The following SLCO1B1 variants were observed in gnomAD, a reference collection of about 807,000 sequenced individuals.
SLCO1B1 encodes solute carrier organic anion transporter family member 1B1, also known as OATP-2.
In SLCO1B1, 81 loss-of-function variants were observed where a neutral mutation model predicts 70.1. The ratio of observed to expected loss-of-function variants is 1.16; its 90% CI spans 0.97 to 1.39. SLCO1B1 has a LOEUF of 1.39. Among genes scored for constraint, SLCO1B1 ranks in the 40% most tolerant of loss-of-function variants. The pLI is 0.00. For synonymous variants in SLCO1B1, 283 were observed against 271.5 expected (o/e 1.04, Z -0.42); for missense variants, 895 against 799.6 (o/e 1.12, Z -1.44).
intron 2 of SLCO1B1, among the ~76,000 whole-genome samples, chr12:21,158,609 G>A (rs926141209): frequency 2.6e-5 from 4 of 151,958 alleles, no homozygotes; most frequent in South Asian, 4.2e-4. Context: ...TGAGAGAATC[G>A]CTTGAACCCA....
intron 8 of SLCO1B1, among the ~76,000 whole-genome samples, chr12:21,199,154 G>A (rs907559575): frequency 1.1e-4 from 16 of 151,352 alleles, no homozygotes; most frequent in Admixed American, 3.3e-4. Flanking sequence ...CAACTGTTTC[G>A]TAGCTGACAT....
At chr12:21,174,473 G>T (rs923624617) in intron 3 of SLCO1B1, 104 bp from the exon 4 acceptor site, 4 of 1,045,520 alleles carry the variant, frequency 3.8e-6, no homozygotes, top group Non-Finnish European at 5.8e-6. Flanking sequence ...GTCTTTGAGG[G>T]AAGGCACTAT....
chr12:21,150,424 A>G (rs1330451255), intron 2 of SLCO1B1, among the ~76,000 whole-genome samples: 4 of 152,136 alleles, frequency 2.6e-5, no homozygotes, highest in Non-Finnish European at 1.5e-5. Context: ...AGGGTTCAAC[A>G]GACACCTCAT....
At chr12:21,176,159 G>T (rs1027270039) in intron 4 of SLCO1B1, among the ~76,000 whole-genome samples, 7 of 152,072 alleles carry the variant, frequency 4.6e-5, no homozygotes, top group Admixed American at 1.3e-4. Context: ...ATACTAGTGT[G>T]AAATTCCCTA....
intron 7 of SLCO1B1, among the ~76,000 whole-genome samples, chr12:21,193,206 C>A (rs11045842): frequency 0.12 from 18,681 of 151,998 alleles, 1,554 homozygotes; most frequent in Non-Finnish European, 0.18. Context: ...GTGTCTGTTA[C>A]GTTCAATTGG....
intron 1 of SLCO1B1, among the ~76,000 whole-genome samples, chr12:21,138,356 A>G (rs764702795): frequency 1.4e-4 from 22 of 152,294 alleles, no homozygotes; most frequent in Middle Eastern, 3.4e-3. Context: ...CCAAATGCCT[A>G]TGGTTCTATC....
intron 14 of SLCO1B1, among the ~76,000 whole-genome samples, chr12:21,238,447 G>A (rs968709178): frequency 4.6e-5 from 7 of 151,740 alleles, no homozygotes; most frequent in African/African-American, 1.5e-4. Flanking sequence ...CTGGTTTAAA[G>A]CTTACTTATT....
chr12:21,168,167 C>T (rs895300198), intron 2 of SLCO1B1, among the ~76,000 whole-genome samples: 6 of 151,906 alleles, frequency 3.9e-5, no homozygotes, highest in Admixed American at 2.6e-4. Context: ...TCTCTCCTTT[C>T]GTGACTGGCT....
chr12:21,135,033 G>C (rs1264539724), intron 1 of SLCO1B1, among the ~76,000 whole-genome samples: 2 of 152,094 alleles, frequency 1.3e-5, no homozygotes, highest in African/African-American at 4.8e-5. Flanking sequence ...CGTATGTTGT[G>C]TGTTTGTTCT....
rs971435697 is a variant in SLCO1B1, at chr12:21,224,920, A to G, written c.1865+81A>G. On this transcript the variant is annotated intron_variant, in intron 14 of 14. Coordinates refer to ENST00000256958, the MANE Select transcript of SLCO1B1 (RefSeq NM_006446.5). ...AAAATATCATTTTCATTATATAATA[A>G]TATTAATAATGATAGCCACCATTTA... 5 of 720,632 alleles carry G rather than the reference A, an allele frequency of 6.9e-6. No homozygotes were observed. The African/African-American group carries it at 9.0e-5, about 13-fold the overall frequency. 44.6% of individuals were successfully genotyped at this position (720,632 alleles called of 1,614,324 possible).
chr12:21,206,517 T>C (rs182334807), intron 11 of SLCO1B1, among the ~76,000 whole-genome samples: 20 of 151,996 alleles, frequency 1.3e-4, no homozygotes, highest in Admixed American at 1.3e-3. Flanking sequence ...TTTTACTTTT[T>C]AAGAAATTAA....
At chr12:21,157,720 G>A (rs543890437) in intron 2 of SLCO1B1, among the ~76,000 whole-genome samples, 1 of 151,096 alleles carries the variant, frequency 6.6e-6, no homozygotes. Flanking sequence ...TCCTGCCTCA[G>A]CCTCCCAAGT....
Position 21,206,006 on chromosome 12 carries a change from ATCT to A in SLCO1B1, c.1473_1475del (p.Ser493del). ...TCTCACCCTGTCTAGCAGGTTGCAA[ATCT>A]TCAAGTGGCAATAAAAAGCCTATAG... On this transcript the variant is annotated inframe_deletion, in exon 11 of 15. Transcript: ENST00000256958. 1 of 1,612,104 alleles carries A rather than the reference ATCT, an allele frequency of 6.2e-7. No individual in the cohort carries two copies. The highest frequency in any genetic ancestry group is 1.3e-5 in the African/African-American group (1 of 74,966).
chr12:21,186,679 A>G lies in SLCO1B1; in HGVS notation c.727+7659A>G, dbSNP rs543272691. ...ATCATTGTAAAAAACAAAAAAAGGG[A>G]AAAAAAAAGGAAATTCATGATGGCA... On this transcript the variant is annotated intron_variant, in intron 7 of 14. Coordinates refer to ENST00000256958, the MANE Select transcript of SLCO1B1 (RefSeq NM_006446.5). 2.1e-3 allele frequency among the ~76,000 whole-genome samples: 309 copies of G among 145,948 alleles called. 1 individual carries two copies. The highest frequency in any genetic ancestry group is 7.0e-3 in the African/African-American group (253 of 36,352).
At chr12:21,235,951 G>T (rs916967082) in intron 14 of SLCO1B1, among the ~76,000 whole-genome samples, 2 of 151,920 alleles carry the variant, frequency 1.3e-5, no homozygotes, top group African/African-American at 4.8e-5. Context: ...TAAATAATTT[G>T]GCCCTTTTCT....
intron 14 of SLCO1B1, among the ~76,000 whole-genome samples, chr12:21,226,427 A>C (rs7966270): frequency 0.017 from 2,509 of 151,930 alleles, 66 homozygotes; most frequent in African/African-American, 0.057. Flanking sequence ...AAAAGAAAAA[A>C]AAAGAACATT....
intron 7 of SLCO1B1, 146 bp from the exon 8 acceptor site, chr12:21,196,800 A>T: frequency 1.4e-6 from 1 of 738,018 alleles, no homozygotes; most frequent in Non-Finnish European, 2.3e-6. Context: ...GACTGATCCT[A>T]GTCTCAGAGA....
intron 14 of SLCO1B1, among the ~76,000 whole-genome samples, chr12:21,230,608 G>A (rs139234203): frequency 6.6e-6 from 1 of 152,156 alleles, no homozygotes; most frequent in East Asian, 1.9e-4. Context: ...GGCATTGCAG[G>A]TGTGAGTCAC....
intron 10 of SLCO1B1, 56 bp downstream of exon 10, chr12:21,202,742 C>T (rs991705953): frequency 1.8e-5 from 25 of 1,377,598 alleles, no homozygotes; most frequent in Non-Finnish European, 2.4e-5. Context: ...AATTAAGAGT[C>T]TCTGTATAAG....
Sources: allele counts gnomAD v4.1 joint callset (sites outside exome capture counted in the v4.1 genomes callset), GRCh38; gene constraint gnomAD v4.1.1; transcripts MANE v1.5; gene names NCBI Gene and HGNC (gene_info 2026-07-23, HGNC 2026-07-21).